The following TOPAZ1 variants were observed in gnomAD, a reference collection of about 807,000 sequenced individuals.
The protein encoded by TOPAZ1 is protein TOPAZ1.
Under a neutral mutation model 172.2 loss-of-function variants are expected in TOPAZ1, and 66 were observed. The ratio of observed to expected loss-of-function variants is 0.38; its 90% CI spans 0.31 to 0.47. The LOEUF is 0.47. Among genes scored for constraint, TOPAZ1 ranks in the 20% least tolerant of loss-of-function variants. The pLI is 0.99. For synonymous variants in TOPAZ1, 681 were observed against 683.9 expected, an observed-to-expected ratio of 1.00 and a Z score of 0.07; for missense variants, 1,822 against 1,972.4, an observed-to-expected ratio of 0.92 and a Z score of 1.44.
chr3:44,274,113 CTT>C (rs377497030), intron 8 of TOPAZ1, among the ~76,000 whole-genome samples: 6 of 141,510 alleles, frequency 4.2e-5, no homozygotes, highest in African/African-American at 7.8e-5. Context: ...AACCCTGTCT[CTT>C]TTTTTTTTTT....
At chr3:44,261,562 T>G (rs1478624735) in intron 4 of TOPAZ1, among the ~76,000 whole-genome samples, 1 of 152,224 alleles carries the variant, frequency 6.6e-6, no homozygotes, top group Non-Finnish European at 1.5e-5. Flanking sequence ...ACTATAGCCC[T>G]GTAGCGTAGT....
chr3:44,323,279 C>T lies in TOPAZ1; in HGVS notation c.4659C>T (p.Ala1553=). ...GAAGGAGTCGTTTATGGCTCAAAGC[C>T]AGAGCCCACTACAAAAGTAAGTTAC... ...SLGRSRLWLK[A]RAHYKSALSL... The change falls in exon 18 of 20, where the codon GCC becomes GCT. Residue 1553 remains alanine, a synonymous_variant. Transcript: ENST00000309765. 1.3e-6 allele frequency: 2 copies of T among 1,544,806 alleles called. No homozygotes were observed. The highest frequency in any genetic ancestry group is 1.7e-6 in the Non-Finnish European group (2 of 1,143,780).
Position 44,248,790 on chromosome 3 carries a change from A to G in TOPAZ1, c.2765+3519A>G, listed in dbSNP as rs537829289. Among the ~76,000 whole-genome samples, 29 of 152,294 alleles carry G rather than the reference A, an allele frequency of 1.9e-4. No individual in the cohort carries two copies. In the South Asian group the frequency reaches 2.5e-3, roughly 13 times the overall value. On this transcript the variant is annotated intron_variant, in intron 2 of 19. Coordinates refer to ENST00000309765, the MANE Select transcript of TOPAZ1 (RefSeq NM_001145030.2). The stretch of plus-strand genomic sequence containing the variant: ...GAAGATGAAAGGGTGAGGCCCATAT[A>G]TTGTCAGAAACTCTGGACTGCCCCT...
intron 16 of TOPAZ1, among the ~76,000 whole-genome samples, chr3:44,320,211 TTTA>T (rs1475843925): frequency 6.6e-6 from 1 of 152,124 alleles, no homozygotes; most frequent in Admixed American, 6.5e-5. Flanking sequence ...AGGAGTTAAT[TTTA>T]TTATTATGCT....
intron 16 of TOPAZ1, among the ~76,000 whole-genome samples, chr3:44,318,809 TTATA>T (rs1226496373): frequency 3.4e-5 from 5 of 147,720 alleles, no homozygotes; most frequent in African/African-American, 1.2e-4. Context: ...TATATTTTAT[TTATA>T]TATAATATAT....
intron 18 of TOPAZ1, among the ~76,000 whole-genome samples, chr3:44,323,646 ATC>A (rs1346184042): frequency 1.3e-5 from 2 of 152,232 alleles, no homozygotes; most frequent in African/African-American, 4.8e-5. Flanking sequence ...TTTAAAGAAG[ATC>A]TGTTTTTATT....
chr3:44,256,234 G>A lies in TOPAZ1; in HGVS notation c.2911G>A (p.Gly971Arg), dbSNP rs556433930. 3 of 1,535,536 alleles carry A rather than the reference G, an allele frequency of 2.0e-6. No individual in the cohort carries two copies. The highest frequency in any genetic ancestry group is 2.6e-6 in the Non-Finnish European group (3 of 1,142,392). Residue 971 changes from glycine (G) to arginine (R), a missense_variant, in exon 4 of 20, where the codon GGA becomes AGA. By Grantham distance (125) the Gly-to-Arg change is moderately radical. Around this residue, in one of 2 missense-constraint regions of TOPAZ1, gnomAD observed 1,489 missense variants for 1,490.8 expected, o/e 1.00. Transcript: ENST00000309765. ...TGAGACCTCTGAAAATGAAACACTG[G>A]GAGACTTCAGTGAACAAATAAAAGG... is the stretch of plus-strand genomic sequence containing the variant. ...ANETSENETL[G>R]DFSEQIKGSD...
chr3:44,255,013 T>G lies in TOPAZ1; in HGVS notation c.2811T>G (p.Cys937Trp), dbSNP rs1049320745. 167 of 1,551,422 alleles carry G rather than the reference T, an allele frequency of 1.1e-4. 1 individual carries two copies. In the East Asian group the frequency reaches 4.0e-3, roughly 37 times the overall value. The change falls in exon 3 of 20, where the codon TGT becomes TGG. Residue 937 changes from cysteine to tryptophan, a missense_variant. Transcript: ENST00000309765. ...GTGGATGGATAAAGCCAGACATCTG[T>G]GCTTCCAACTCAGCAGGTAAAAGTT... ...LDCGWIKPDICASNSAESEIK... is the reference protein window; with the variant it reads ...LDCGWIKPDIWASNSAESEIK...
intron 16 of TOPAZ1, 73 bp from the exon 17 acceptor site, chr3:44,320,954 A>T (rs1700500574): frequency 2.1e-6 from 2 of 970,626 alleles, no homozygotes; most frequent in Middle Eastern, 2.7e-4. Flanking sequence ...ATATATTGAA[A>T]CATTAGTTGT....
At chr3:44,286,230 T>C (rs1361220490) in intron 9 of TOPAZ1, among the ~76,000 whole-genome samples, 1 of 152,016 alleles carries the variant, frequency 6.6e-6, no homozygotes, top group Non-Finnish European at 1.5e-5. Context: ...AATAAATAAC[T>C]TAATGACAAA....
intron 11 of TOPAZ1, among the ~76,000 whole-genome samples, chr3:44,288,610 G>A (rs1322467705): frequency 6.6e-6 from 1 of 152,118 alleles, no homozygotes; most frequent in African/African-American, 2.4e-5. Context: ...GCTTGAACCT[G>A]GGAGGCGGAG....
chr3:44,334,724 G>A (rs139489750), downstream of TOPAZ1, among the ~76,000 whole-genome samples: 29 of 152,308 alleles, frequency 1.9e-4, no homozygotes, highest in South Asian at 5.2e-3. Flanking sequence ...GAGAAGGTGT[G>A]TGTAGCCATT....
chr3:44,244,983 A>G lies in TOPAZ1; in HGVS notation c.2477A>G (p.Gln826Arg). Reference protein sequence around the residue: ...EKSPSFCCNEQETFRPVSSEV... With the variant: ...EKSPSFCCNERETFRPVSSEV... ...AGTCCTTCCTTCTGCTGTAATGAACAAGAAACATTCCGACCAGTGTCCAGT... is the reference window on the plus strand; with the variant it reads ...AGTCCTTCCTTCTGCTGTAATGAACGAGAAACATTCCGACCAGTGTCCAGT... The change falls in exon 2 of 20, where the codon CAA becomes CGA. Residue 826 changes from glutamine (Q) to arginine (R), a missense_variant. Gln to Arg is a conservative substitution (Grantham distance 43). Coordinates refer to ENST00000309765, the MANE Select transcript of TOPAZ1 (RefSeq NM_001145030.2). 1 of 1,551,728 alleles carries G rather than the reference A, an allele frequency of 6.4e-7. No homozygotes were observed. The highest frequency in any genetic ancestry group is 1.2e-5 in the South Asian group (1 of 84,064).
At chr3:44,328,725 T>C (rs1332951013) in intron 19 of TOPAZ1, among the ~76,000 whole-genome samples, 2 of 152,186 alleles carry the variant, frequency 1.3e-5, no homozygotes, top group African/African-American at 4.8e-5. Flanking sequence ...GGTACCAACC[T>C]TTCTTGTGTT....
rs779663541 is a variant in TOPAZ1 at position 44,267,028 on chromosome 3, G to A, written c.3052G>A (p.Gly1018Ser). ...KDSRNADFMV[G>S]ECQFAVPVPK... ...TTCTAGAAATGCAGACTTTATGGTC[G>A]GCGAATGTCAATTTGCAGTACCAGT... The change falls in exon 6 of 20, where the codon GGC (glycine) becomes AGC (serine). Residue 1018 changes from glycine to serine, a missense_variant. Around this residue, in one of 2 missense-constraint regions of TOPAZ1, gnomAD observed 1,489 missense variants for 1,490.8 expected, o/e 1.00. Transcript: ENST00000309765. The A allele has an allele frequency of 1.9e-5, 29 of 1,545,516 alleles. No individual in the cohort carries two copies. Among genetic ancestry groups the A allele is most frequent in the Non-Finnish European group, 2.4e-5 (28 of 1,144,796 alleles).
At position 44,328,307 on chromosome 3, in the gene TOPAZ1, T is replaced by C; in HGVS notation, c.4733T>C (p.Leu1578Pro). 6.6e-7 allele frequency: 1 copy of C among 1,517,710 alleles called. No individual in the cohort carries two copies. The highest frequency in any genetic ancestry group is 8.8e-7 in the Non-Finnish European group (1 of 1,134,618). 94.0% of individuals were successfully genotyped at this position (1,517,710 alleles called of 1,614,324 possible). Residue 1578 changes from leucine to proline, a missense_variant, in exon 19 of 20, where the codon CTT (leucine) becomes CCT (proline). Coordinates refer to ENST00000309765, the MANE Select transcript of TOPAZ1 (RefSeq NM_001145030.2). Reference protein sequence around the residue: ...PLEGNLYRKLLLIPSYLSEIE... With the variant: ...PLEGNLYRKLPLIPSYLSEIE... ...GAAGGAAATTTATACCGAAAACTTC[T>C]TCTAATTCCATCTTATTTATCTGAG...
chr3:44,306,185 G>A, intron 14 of TOPAZ1, 141 bp from the exon 15 acceptor site: 1 of 505,886 alleles, frequency 2.0e-6, no homozygotes. Context: ...ACCATTGTTG[G>A]CTCCTAGGCT....
chr3:44,258,219 A>C (rs565529407), intron 4 of TOPAZ1, among the ~76,000 whole-genome samples: 3 of 152,336 alleles, frequency 2.0e-5, no homozygotes, highest in South Asian at 4.1e-4. Context: ...TTTCAGCAGC[A>C]TCCCACTTTT....
chr3:44,263,360 A>G (rs942026029), intron 5 of TOPAZ1, among the ~76,000 whole-genome samples: 1 of 152,230 alleles, frequency 6.6e-6, no homozygotes, highest in Non-Finnish European at 1.5e-5. Context: ...AAGGTTTATC[A>G]ACTTGACTCT....
Sources: allele counts gnomAD v4.1 joint callset (sites outside exome capture counted in the v4.1 genomes callset), GRCh38; gene constraint gnomAD v4.1.1; regional missense constraint gnomAD v4.1.1; transcripts MANE v1.5; gene names NCBI Gene and HGNC (gene_info 2026-07-23, HGNC 2026-07-21).